Variants in FBXL7 observed in about 807,000 individuals in gnomAD.
FBXL7 encodes F-box and leucine rich repeat protein 7, also known as F-box/LRR-repeat protein 7.
FBXL7 carries 12 observed loss-of-function variants against 38.3 expected under a neutral mutation model. The ratio of observed to expected loss-of-function variants is 0.31; its 90% CI spans 0.20 to 0.51. FBXL7 has a LOEUF of 0.51. Among genes scored for constraint, FBXL7 ranks in the 20% least tolerant of loss-of-function variants. The pLI is 0.98. For missense variants in FBXL7, 567 were observed against 676.4 expected, an observed-to-expected ratio of 0.84 and a Z score of 1.79; for synonymous variants, 297 against 300.9, an observed-to-expected ratio of 0.99 and a Z score of 0.13.
At chr5:15,527,049 T>C (rs766182937) in intron 1 of FBXL7, among the ~76,000 whole-genome samples, 15 of 152,244 alleles carry the variant, frequency 9.9e-5, no homozygotes, top group Admixed American at 6.5e-5. Context: ...AGTTGGTTTA[T>C]GGACCTCCAC....
chr5:15,612,475 C>T (rs528498910), intron 1 of FBXL7, among the ~76,000 whole-genome samples: 1 of 152,134 alleles, frequency 6.6e-6, no homozygotes, highest in Non-Finnish European at 1.5e-5. Context: ...TTTGAGGGAT[C>T]AGCACACATG....
intron 2 of FBXL7, among the ~76,000 whole-genome samples, chr5:15,755,911 T>G (rs1333219719): frequency 6.6e-6 from 1 of 152,210 alleles, no homozygotes; most frequent in Non-Finnish European, 1.5e-5. Context: ...CTGCTCCCAG[T>G]TCTCCATAGC....
At chr5:15,734,255 C>G (rs1420819138) in intron 2 of FBXL7, among the ~76,000 whole-genome samples, 2 of 152,252 alleles carry the variant, frequency 1.3e-5, no homozygotes, top group Non-Finnish European at 2.9e-5. Flanking sequence ...CAAAGCCATG[C>G]TGCCTCACCG....
chr5:15,864,362 C>T (rs1013296163), intron 2 of FBXL7, among the ~76,000 whole-genome samples: 3 of 151,192 alleles, frequency 2.0e-5, no homozygotes, highest in Non-Finnish European at 2.9e-5. Context: ...TCTATCAGTG[C>T]CTAATCTTGT....
At chr5:15,642,686 G>C (rs371653276) in intron 2 of FBXL7, among the ~76,000 whole-genome samples, 2 of 152,022 alleles carry the variant, frequency 1.3e-5, no homozygotes, top group East Asian at 1.9e-4. Flanking sequence ...TCTTAGATAG[G>C]AGACAGACCT....
chr5:15,736,180 T>A (rs1735743178), intron 2 of FBXL7, among the ~76,000 whole-genome samples: 1 of 152,244 alleles, frequency 6.6e-6, no homozygotes, highest in Admixed American at 6.5e-5. Context: ...CCCTTTTTCT[T>A]GAGCTCTAAA....
At chr5:15,692,522 G>T (rs1305515696) in intron 2 of FBXL7, among the ~76,000 whole-genome samples, 1 of 152,100 alleles carries the variant, frequency 6.6e-6, no homozygotes. Flanking sequence ...TCATGGCACT[G>T]TTAAGCCTGT....
At chr5:15,903,935 T>C (rs1741293782) in intron 2 of FBXL7, among the ~76,000 whole-genome samples, 1 of 152,116 alleles carries the variant, frequency 6.6e-6, no homozygotes, top group Non-Finnish European at 1.5e-5. Context: ...TGGAGAGTAC[T>C]TTTTTATAGC....
chr5:15,839,426 AATCT>A (rs1738681725), intron 2 of FBXL7, among the ~76,000 whole-genome samples: 1 of 151,968 alleles, frequency 6.6e-6, no homozygotes, highest in Non-Finnish European at 1.5e-5. Flanking sequence ...AAAATATAGC[AATCT>A]ATCTGATTTT....
chr5:15,669,879 C>A (rs928972595), intron 2 of FBXL7, among the ~76,000 whole-genome samples: 1 of 152,182 alleles, frequency 6.6e-6, no homozygotes, highest in Non-Finnish European at 1.5e-5. Flanking sequence ...TATATATCTC[C>A]ATTTCACTGA....
intron 2 of FBXL7, among the ~76,000 whole-genome samples, chr5:15,839,763 C>T (rs184487898): frequency 3.3e-5 from 5 of 151,728 alleles, no homozygotes; most frequent in African/African-American, 1.2e-4. Flanking sequence ...TCTTTTTCTC[C>T]TCTTCCTCTT....
intron 2 of FBXL7, among the ~76,000 whole-genome samples, chr5:15,894,481 A>T (rs928377686): frequency 4.6e-5 from 7 of 152,210 alleles, no homozygotes; most frequent in Non-Finnish European, 8.8e-5. Flanking sequence ...CACAAACAGT[A>T]AATTTCAGTG....
intron 2 of FBXL7, among the ~76,000 whole-genome samples, chr5:15,673,180 G>A (rs952261991): frequency 1.2e-4 from 19 of 152,216 alleles, no homozygotes; most frequent in African/African-American, 3.4e-4. Flanking sequence ...ACCGGGCCTG[G>A]TGGCGGGCAC....
In FBXL7 at chr5:15,535,093, C is replaced by T. The variant is rs1049213097; in HGVS notation, c.37+34380C>T. The stretch of plus-strand genomic sequence containing the variant: ...CTTGCTGTGGCCATGTAAGATGTGC[C>T]TTGTTTCCCCTTTGCCTTCTGCCAT... On this transcript the variant is annotated intron_variant, in intron 1 of 3. Coordinates refer to ENST00000504595, the MANE Select transcript of FBXL7 (RefSeq NM_012304.5). Among the ~76,000 whole-genome samples, 4 of 152,140 alleles carry T rather than the reference C, an allele frequency of 2.6e-5. No homozygotes were observed. In the East Asian group the frequency reaches 5.8e-4, roughly 22 times the overall value.
At chr5:15,848,427 G>A (rs969761007) in intron 2 of FBXL7, among the ~76,000 whole-genome samples, 1 of 152,114 alleles carries the variant, frequency 6.6e-6, no homozygotes, top group African/African-American at 2.4e-5. Context: ...TGTCACCTAG[G>A]CTGGAGTGCA....
At chr5:15,865,907 C>T (rs1739689021) in intron 2 of FBXL7, among the ~76,000 whole-genome samples, 1 of 152,162 alleles carries the variant, frequency 6.6e-6, no homozygotes, top group Admixed American at 6.5e-5. Context: ...CCCTAAATAA[C>T]AGCTTCAGGG....
intron 2 of FBXL7, among the ~76,000 whole-genome samples, chr5:15,888,431 G>A (rs1256399130): frequency 2.0e-5 from 3 of 151,952 alleles, no homozygotes; most frequent in Non-Finnish European, 4.4e-5. Context: ...ATTTCACCGT[G>A]TTGGCCAGGC....
At chr5:15,540,401 C>T (rs2126406051) in intron 1 of FBXL7, among the ~76,000 whole-genome samples, 1 of 152,278 alleles carries the variant, frequency 6.6e-6, no homozygotes, top group Non-Finnish European at 1.5e-5. Flanking sequence ...AAAATCTCTA[C>T]AACCCAATTT....
chr5:15,548,567 G>C (rs1348892673), intron 1 of FBXL7, among the ~76,000 whole-genome samples: 1 of 152,188 alleles, frequency 6.6e-6, no homozygotes, highest in Non-Finnish European at 1.5e-5. Context: ...ATGGTACCTT[G>C]TTTGTAGAAA....
Sources: gnomAD v4.1 joint callset for allele counts (sites outside exome capture counted in the v4.1 genomes callset) on GRCh38, gnomAD v4.1.1 for gene constraint, MANE v1.5 for transcripts, NCBI Gene and HGNC (gene_info 2026-07-23, HGNC 2026-07-21) for gene names.